The following ATG5 variants were observed in gnomAD, a reference collection of about 807,000 sequenced individuals.
The protein encoded by ATG5 is autophagy protein 5.
A neutral mutation model predicts 36.5 loss-of-function variants in ATG5; 14 were observed. That is an observed-to-expected ratio of 0.38 (90% CI 0.25 to 0.60). The LOEUF is 0.60. Ranked by LOEUF, ATG5 falls within the 20% of genes least tolerant of loss-of-function variation. The pLI, the probability that ATG5 is intolerant of heterozygous loss-of-function variation, is 0.60. For synonymous variants in ATG5, 95 were observed against 101.5 expected, an observed-to-expected ratio of 0.94 and a Z score of 0.38; for missense variants, 195 against 326.7, an observed-to-expected ratio of 0.60 and a Z score of 3.11.
intron 7 of ATG5, among the ~76,000 whole-genome samples, chr6:106,191,701 C>T (rs942738421): frequency 2.6e-5 from 4 of 152,086 alleles, no homozygotes; most frequent in Admixed American, 6.6e-5. Flanking sequence ...TTCTCCACCC[C>T]TCTCTCCTGC....
At chr6:106,219,163 A>G (rs1777150098) in intron 6 of ATG5, among the ~76,000 whole-genome samples, 1 of 152,180 alleles carries the variant, frequency 6.6e-6, no homozygotes, top group Non-Finnish European at 1.5e-5. Flanking sequence ...CTATGCTTGG[A>G]AAATTTAGAC....
At position 106,295,685 on chromosome 6, in the gene ATG5, T is replaced by C. The variant is rs536297460; in HGVS notation, c.237-2579A>G. Among the ~76,000 whole-genome samples the C allele has an allele frequency of 2.0e-5, 3 of 151,898 alleles. No homozygotes were observed. The South Asian group carries it at 6.2e-4, about 31-fold the overall frequency. On this transcript the variant is annotated intron_variant, in intron 3 of 7. Coordinates refer to ENST00000369076, the MANE Select transcript of ATG5 (RefSeq NM_004849.4). ...CTCAAGCGATCCTCCCACCTCAGCC[T>C]CCTGAGTGGCTGGGACTACAGACAT... is the stretch of plus-strand genomic sequence containing the variant.
chr6:106,198,892 A>T (rs1182914465), intron 7 of ATG5, among the ~76,000 whole-genome samples: 1 of 152,210 alleles, frequency 6.6e-6, no homozygotes, highest in Non-Finnish European at 1.5e-5. Flanking sequence ...CAGAATATAT[A>T]AATAATGCTA....
intron 7 of ATG5, among the ~76,000 whole-genome samples, chr6:106,200,354 G>A (rs182662605): frequency 9.9e-5 from 15 of 152,130 alleles, no homozygotes; most frequent in Admixed American, 3.3e-4. Context: ...GAATACATTC[G>A]TAAGAAACAA....
intron 6 of ATG5, among the ~76,000 whole-genome samples, chr6:106,224,837 C>T (rs1777388540): frequency 6.6e-6 from 1 of 152,152 alleles, no homozygotes; most frequent in Non-Finnish European, 1.5e-5. Context: ...GCTGAGATCG[C>T]ACCATTGCAC....
At chr6:106,315,988 G>T in intron 2 of ATG5, 113 bp downstream of exon 2, 1 of 766,988 alleles carries the variant, frequency 1.3e-6, no homozygotes, top group Non-Finnish European at 2.1e-6. Flanking sequence ...TCCAAAATAA[G>T]CATGAATTAG....
intron 4 of ATG5, chr6:106,283,853 C>G (rs1268571393): frequency 6.6e-6 from 1 of 152,148 alleles, no homozygotes; most frequent in Non-Finnish European, 1.5e-5. Context: ...GTTTTGGTGA[C>G]TTGTGTTTTC....
At chr6:106,320,286 G>A (rs1771010509) in intron 1 of ATG5, among the ~76,000 whole-genome samples, 1 of 152,202 alleles carries the variant, frequency 6.6e-6, no homozygotes, top group African/African-American at 2.4e-5. Flanking sequence ...GGGGAAAGAG[G>A]AGGGGTTGGA....
At chr6:106,312,715 C>T (rs899775378) in intron 2 of ATG5, among the ~76,000 whole-genome samples, 5 of 151,648 alleles carry the variant, frequency 3.3e-5, no homozygotes, top group African/African-American at 1.2e-4. Context: ...GCAGGGCTAA[C>T]AGGACAATGC....
intron 6 of ATG5, among the ~76,000 whole-genome samples, chr6:106,235,572 G>A (rs1475733977): frequency 7.9e-5 from 12 of 152,112 alleles, no homozygotes; most frequent in Admixed American, 7.9e-4. Flanking sequence ...TTTAAACACT[G>A]GGCTTGCAAC....
intron 5 of ATG5, among the ~76,000 whole-genome samples, chr6:106,250,918 T>G (rs1194860998): frequency 6.6e-6 from 1 of 152,194 alleles, no homozygotes; most frequent in Non-Finnish European, 1.5e-5. Flanking sequence ...GCAACAACTA[T>G]CTTAAGATTT....
chr6:106,212,193 T>A (rs928484264), intron 6 of ATG5, among the ~76,000 whole-genome samples: 1 of 152,252 alleles, frequency 6.6e-6, no homozygotes, highest in Non-Finnish European at 1.5e-5. Context: ...ACTGCTCTCA[T>A]TTTTGTACAA....
intron 6 of ATG5, among the ~76,000 whole-genome samples, chr6:106,204,335 A>C (rs1173808146): frequency 6.6e-6 from 1 of 152,264 alleles, no homozygotes; most frequent in African/African-American, 2.4e-5. Context: ...TAGTATTTTA[A>C]AATAGTAATC....
At chr6:106,190,827 TTATGTATATATTAAAAAATGATGCTTACA>T (rs1379238692) in intron 7 of ATG5, among the ~76,000 whole-genome samples, 7 of 152,182 alleles carry the variant, frequency 4.6e-5, no homozygotes, top group African/African-American at 1.7e-4. Flanking sequence ...TGGTAACTTC[TTATGTATATATTAAAAAATGATGCTTACA>T]TATAGACATA....
At chr6:106,220,396 A>G (rs1178540144) in intron 6 of ATG5, among the ~76,000 whole-genome samples, 1 of 151,982 alleles carries the variant, frequency 6.6e-6, no homozygotes, top group Non-Finnish European at 1.5e-5. Flanking sequence ...AAAATTTAAT[A>G]AAACCAAAAA....
chr6:106,306,327 A>G (rs899512665), intron 3 of ATG5, among the ~76,000 whole-genome samples: 1 of 151,210 alleles, frequency 6.6e-6, no homozygotes, highest in Non-Finnish European at 1.5e-5. Context: ...GGACAGCATA[A>G]AACAGCAGCT....
At chr6:106,325,463 T>C (rs547907802) in intron 1 of ATG5, 63 bp downstream of exon 1, 2 of 152,708 alleles carry the variant, frequency 1.3e-5, no homozygotes, top group Non-Finnish European at 2.9e-5. Flanking sequence ...CACACCTACC[T>C]GGCCCCTCCC....
chr6:106,284,996 A>G (rs1019041410), intron 4 of ATG5, among the ~76,000 whole-genome samples: 2 of 152,126 alleles, frequency 1.3e-5, no homozygotes, highest in Non-Finnish European at 2.9e-5. Flanking sequence ...GAGTGTAACC[A>G]TTATTTCTTA....
At chr6:106,265,041 A>G (rs1219466582) in intron 5 of ATG5, among the ~76,000 whole-genome samples, 1 of 152,134 alleles carries the variant, frequency 6.6e-6, no homozygotes, top group Non-Finnish European at 1.5e-5. Context: ...AAAGACACAG[A>G]CTGGCAAACT....
Sources: gnomAD v4.1 joint callset for allele counts (sites outside exome capture counted in the v4.1 genomes callset) on GRCh38, gnomAD v4.1.1 for gene constraint, MANE v1.5 for transcripts, NCBI Gene and HGNC (gene_info 2026-07-23, HGNC 2026-07-21) for gene names.